Variants in UNC13C observed in about 807,000 individuals in gnomAD.
The protein encoded by UNC13C is protein unc-13 homolog C.
A neutral mutation model predicts 245.4 loss-of-function variants in UNC13C; 174 were observed. The ratio of observed to expected loss-of-function variants is 0.71; its 90% CI spans 0.63 to 0.80. The LOEUF is 0.80. Among genes scored for constraint, UNC13C ranks in the 30% least tolerant of loss-of-function variants. The pLI, the probability that UNC13C is intolerant of heterozygous loss-of-function variation, is 0.00. For missense variants in UNC13C, 2,829 were observed against 2,602.9 expected (o/e 1.09, Z -1.89); for synonymous variants, 992 against 895.1 (o/e 1.11, Z -1.93).
Position 54,348,064 on chromosome 15 carries a change from T to C in UNC13C, c.4713+9575T>C, listed in dbSNP as rs1270084613. On this transcript the variant is annotated intron_variant, in intron 17 of 32. Transcript: ENST00000260323. ...ATGATTCTTCTATAATTTTTAAAGC[T>C]CAATATTAATTTTTGAGAGCTATCT... Among the ~76,000 whole-genome samples, 6 of 152,182 alleles carry C rather than the reference T, an allele frequency of 3.9e-5. No individual in the cohort carries two copies. The South Asian group carries it at 1.2e-3, about 31-fold the overall frequency.
chr15:54,276,678 G>A (rs777885330), intron 10 of UNC13C, among the ~76,000 whole-genome samples: 23 of 152,084 alleles, frequency 1.5e-4, no homozygotes, highest in Admixed American at 3.3e-4. Flanking sequence ...TTTTTTATAC[G>A]TTACTCATTG....
chr15:54,217,861 C>T (rs2035089797), intron 4 of UNC13C, among the ~76,000 whole-genome samples: 1 of 151,836 alleles, frequency 6.6e-6, no homozygotes, highest in Non-Finnish European at 1.5e-5. Flanking sequence ...GGTCCGTAGG[C>T]TTCCATCTTG....
At chr15:54,368,486 A>G (rs2039416798) in intron 17 of UNC13C, among the ~76,000 whole-genome samples, 1 of 151,966 alleles carries the variant, frequency 6.6e-6, no homozygotes, top group African/African-American at 2.4e-5. Flanking sequence ...AAGTGCCACA[A>G]CATGTGAGTT....
intron 2 of UNC13C, among the ~76,000 whole-genome samples, chr15:54,069,996 T>C (rs1898244496): frequency 1.3e-5 from 2 of 152,246 alleles, no homozygotes; most frequent in South Asian, 4.1e-4. Flanking sequence ...AACCTTCCGT[T>C]TTATAATGAT....
chr15:54,029,380 T>C (rs1896260563), intron 2 of UNC13C, among the ~76,000 whole-genome samples: 1 of 152,240 alleles, frequency 6.6e-6, no homozygotes, highest in Admixed American at 6.5e-5. Flanking sequence ...TACAAACACG[T>C]GGTTTCCTTC....
rs142624034 is a variant in UNC13C at position 54,247,551 on chromosome 15, G to A, written c.3229-2674G>A. On this transcript the variant is annotated intron_variant, in intron 7 of 32. Transcript: ENST00000260323. ...TTATTTCAGAGTAATTTTCAGCTTT[G>A]ATAAATACATGCCCATACCCCCGAA... 4.5e-3 allele frequency among the ~76,000 whole-genome samples: 677 copies of A among 152,122 alleles called. 7 individuals carry two copies. Among genetic ancestry groups the A allele is most frequent in the African/African-American group, 0.016 (662 of 41,488 alleles).
intron 2 of UNC13C, among the ~76,000 whole-genome samples, chr15:54,078,126 T>C (rs1566995699): frequency 6.6e-6 from 1 of 152,186 alleles, no homozygotes; most frequent in Non-Finnish European, 1.5e-5. Context: ...GCTCCATCCA[T>C]GTTGCTGTAA....
intron 8 of UNC13C, among the ~76,000 whole-genome samples, chr15:54,254,927 G>T (rs994370300): frequency 6.6e-6 from 1 of 151,990 alleles, no homozygotes; most frequent in African/African-American, 2.4e-5. Flanking sequence ...AACTCCTCAG[G>T]ACCCGCCATC....
At chr15:53,945,495 T>TG in the UNC13C span, among the ~76,000 whole-genome samples, 2 of 152,164 alleles carry the variant, frequency 1.3e-5, no homozygotes, top group African/African-American at 4.8e-5. Flanking sequence ...ATTTATTAAG[T>TG]GGGGGGTCCT....
chr15:53,910,429 G>T, the UNC13C span, among the ~76,000 whole-genome samples: 26 of 146,378 alleles, frequency 1.8e-4, 3 homozygotes, highest in East Asian at 5.2e-3. Flanking sequence ...GTTCATATTT[G>T]GCTTTGAGCC....
intron 5 of UNC13C, 150 bp downstream of exon 5, chr15:54,235,258 T>G: frequency 1.8e-6 from 1 of 567,626 alleles, no homozygotes; most frequent in Non-Finnish European, 3.0e-6. Context: ...TTATATTTAT[T>G]ATTATTTCTT....
At chr15:54,375,021 T>C (rs2039575683) in intron 17 of UNC13C, among the ~76,000 whole-genome samples, 1 of 152,224 alleles carries the variant, frequency 6.6e-6, no homozygotes, top group Non-Finnish European at 1.5e-5. Context: ...TATTTCCAGT[T>C]TGAGGAGGTA....
chr15:54,413,526 T>A (rs868531695), intron 18 of UNC13C, among the ~76,000 whole-genome samples: 10 of 152,278 alleles, frequency 6.6e-5, no homozygotes, highest in Middle Eastern at 3.5e-3. Flanking sequence ...AATTTAATAT[T>A]GAAAACTAAT....
intron 30 of UNC13C, among the ~76,000 whole-genome samples, chr15:54,568,304 G>A (rs1296975433): frequency 6.6e-6 from 1 of 151,826 alleles, no homozygotes; most frequent in Non-Finnish European, 1.5e-5. Context: ...TTCTGGTCTT[G>A]GTATCTTCCA....
chr15:53,899,150 A>T, the UNC13C span, among the ~76,000 whole-genome samples: 5 of 152,318 alleles, frequency 3.3e-5, no homozygotes, highest in South Asian at 4.1e-4. Flanking sequence ...TCTGTGCACT[A>T]TATCCTGTTA....
chr15:54,385,549 G>T (rs2039819591), intron 17 of UNC13C, among the ~76,000 whole-genome samples: 1 of 149,762 alleles, frequency 6.7e-6, no homozygotes, highest in South Asian at 2.2e-4. Flanking sequence ...AAGGTGGGTT[G>T]TGGCGAGGGT....
chr15:53,938,453 G>A, the UNC13C span, among the ~76,000 whole-genome samples: 3 of 152,118 alleles, frequency 2.0e-5, no homozygotes, highest in Non-Finnish European at 4.4e-5. Flanking sequence ...AGATCATTGA[G>A]ACAGAAAATT....
chr15:54,494,029 TC>T (rs1160502637), intron 19 of UNC13C, among the ~76,000 whole-genome samples: 10 of 152,084 alleles, frequency 6.6e-5, no homozygotes, highest in African/African-American at 2.4e-4. Flanking sequence ...ATATTTTCTC[TC>T]CTTTTCAACT....
chr15:54,500,260 A>G (rs1190467855), intron 21 of UNC13C, 85 bp downstream of exon 21: 3 of 964,162 alleles, frequency 3.1e-6, no homozygotes, highest in South Asian at 1.6e-5. Flanking sequence ...TATTAGACTC[A>G]TTGTTATTAA....
Sources: gnomAD v4.1 joint callset for allele counts (sites outside exome capture counted in the v4.1 genomes callset) on GRCh38, gnomAD v4.1.1 for gene constraint, MANE v1.5 for transcripts, NCBI Gene and HGNC (gene_info 2026-07-23, HGNC 2026-07-21) for gene names.